Variants in GLIS3 observed in about 807,000 individuals in gnomAD.
GLIS3 encodes GLIS family zinc finger 3, also known as zinc finger protein GLIS3.
Under a neutral mutation model 78.6 loss-of-function variants are expected in GLIS3, and 53 were observed. That is an observed-to-expected ratio of 0.67 (90% confidence interval 0.54 to 0.85). GLIS3 has a LOEUF of 0.85. Ranked by LOEUF, GLIS3 falls within the 40% of genes least tolerant of loss-of-function variation. GLIS3 has a pLI of 0.00. For synonymous variants in GLIS3, 684 were observed against 509.9 expected (o/e 1.34, Z -4.60); for missense variants, 1,703 against 1,231.1 (o/e 1.38, Z -5.74).
At chr9:4,052,136 A>T (rs1825790693) in intron 4 of GLIS3, among the ~76,000 whole-genome samples, 1 of 152,222 alleles carries the variant, frequency 6.6e-6, no homozygotes, top group African/African-American at 2.4e-5. Context: ...ATATTTTGGT[A>T]AGTCCATGAA....
At chr9:4,486,490 C>T in the GLIS3 span, among the ~76,000 whole-genome samples, 1 of 152,194 alleles carries the variant, frequency 6.6e-6, no homozygotes, top group Non-Finnish European at 1.5e-5. Context: ...ACCTGTTTTA[C>T]CAGGATTCAA....
chr9:4,438,839 C>A, the GLIS3 span, among the ~76,000 whole-genome samples: 9 of 152,214 alleles, frequency 5.9e-5, no homozygotes, highest in Non-Finnish European at 1.0e-4. Flanking sequence ...TCCCCAACCA[C>A]ATGGAACTGT....
chr9:4,418,875 A>G, the GLIS3 span, among the ~76,000 whole-genome samples: 2 of 152,204 alleles, frequency 1.3e-5, no homozygotes, highest in Non-Finnish European at 2.9e-5. Context: ...GTGAGCCAGG[A>G]CAGGGGATGG....
rs560138966 is a variant in GLIS3 at position 4,011,838 on chromosome 9, A to AT, written c.1711-74650dup. Among the ~76,000 whole-genome samples, 1,129 of 151,102 alleles carry AT rather than the reference A, an allele frequency of 7.5e-3. 8 individuals are homozygous for AT. Among genetic ancestry groups the AT allele is most frequent in the Non-Finnish European group, 0.012 (846 of 67,722 alleles). ...GAAACTGGGCATATCTGCTCTTAAC[A>AT]TTTTTTTTTATTGTTTTGACATACC... On this transcript the variant is annotated intron_variant, in intron 4 of 10. Coordinates refer to ENST00000381971, the MANE Select transcript of GLIS3 (RefSeq NM_001042413.2).
At chr9:4,094,773 C>T (rs773500106) in intron 4 of GLIS3, among the ~76,000 whole-genome samples, 6 of 152,040 alleles carry the variant, frequency 3.9e-5, no homozygotes, top group Non-Finnish European at 8.8e-5. Context: ...ATCTTAGATC[C>T]GATGGCTTAT....
In GLIS3 at chr9:4,118,054, G is replaced by T; in HGVS notation, c.1424C>A (p.Pro475His). 1 of 1,587,018 alleles carries T rather than the reference G, an allele frequency of 6.3e-7. No individual in the cohort carries two copies. The highest frequency in any genetic ancestry group is 1.3e-5 in the African/African-American group (1 of 74,566). Residue 475 changes from proline to histidine, a missense_variant, in exon 4 of 11, where the codon CCC becomes CAC. By Grantham distance (77) the Pro-to-His change is moderately conservative. Transcript: ENST00000381971. This position sits in a 1 kb window ranked among gnomAD's most constrained non-coding sequence, Gnocchi z 4.7. The stretch of plus-strand genomic sequence containing the variant: ...GGGCAAGGCCAGCTGCTGGGCGTGG[G>T]GCCCGAGCTCCGGGTGGTGAAGGTG... ...HAHLHHPELG[P>H]HAQQLALPQA...
intron 4 of GLIS3, chr9:4,305,957 G>C (rs1817218232): frequency 6.6e-6 from 1 of 152,144 alleles, no homozygotes; most frequent in Non-Finnish European, 1.5e-5. Flanking sequence ...GCAACTTATA[G>C]AGGTACCTAA....
chr9:4,323,797 C>A (rs1563933016), intron 2 of GLIS3, among the ~76,000 whole-genome samples: 1 of 152,144 alleles, frequency 6.6e-6, no homozygotes, highest in Non-Finnish European at 1.5e-5. Flanking sequence ...AAATCCTCAG[C>A]CTAAAGCACA....
chr9:4,337,102 T>C (rs1442419710), intron 2 of GLIS3, among the ~76,000 whole-genome samples: 1 of 152,236 alleles, frequency 6.6e-6, no homozygotes, highest in Non-Finnish European at 1.5e-5. Flanking sequence ...GTAGTGTCAT[T>C]GGCTTCTAGT....
At chr9:4,250,305 C>G in intron 2 of GLIS3, among the ~76,000 whole-genome samples, 1 of 152,036 alleles carries the variant, frequency 6.6e-6, no homozygotes, top group Non-Finnish European at 1.5e-5. Flanking sequence ...TTGTTATTGA[C>G]CTACTCAGGT....
At chr9:4,431,844 G>GAAAAAAAAAAAAAAAAAAAAACAAAAA in the GLIS3 span, among the ~76,000 whole-genome samples, 1 of 73,062 alleles carries the variant, frequency 1.4e-5, no homozygotes. Context: ...AACTCCATCT[G>GAAAAAAAAAAAAAAAAAAAAACAAAAA]AAAAAAAAAA....
intron 2 of GLIS3, among the ~76,000 whole-genome samples, chr9:4,282,518 G>C (rs1827651284): frequency 6.6e-6 from 1 of 152,096 alleles, no homozygotes; most frequent in South Asian, 2.1e-4. Context: ...CTTTTTCCTT[G>C]CCTTTAACTT....
the GLIS3 span, among the ~76,000 whole-genome samples, chr9:4,457,692 A>G: frequency 6.6e-6 from 1 of 150,556 alleles, no homozygotes; most frequent in Non-Finnish European, 1.5e-5. Context: ...CTAAAAATAC[A>G]AAAAAAAATT....
intron 2 of GLIS3, among the ~76,000 whole-genome samples, chr9:4,193,073 A>G (rs1818478244): frequency 1.3e-5 from 2 of 152,184 alleles, no homozygotes; most frequent in Admixed American, 6.5e-5. Flanking sequence ...CTGTTGGCAA[A>G]CCTTTGATGG....
chr9:4,331,799 GT>G (rs1040407279), intron 2 of GLIS3, among the ~76,000 whole-genome samples: 5 of 152,216 alleles, frequency 3.3e-5, no homozygotes, highest in Non-Finnish European at 4.4e-5. Context: ...GAACATCTGG[GT>G]GGGAAGAGAG....
intron 2 of GLIS3, among the ~76,000 whole-genome samples, chr9:4,238,998 C>T (rs1587099101): frequency 6.6e-6 from 1 of 151,934 alleles, no homozygotes; most frequent in East Asian, 1.9e-4. Flanking sequence ...TCATCCATGT[C>T]CCTACAAAGG....
intron 9 of GLIS3, among the ~76,000 whole-genome samples, chr9:3,831,946 G>A (rs1236654818): frequency 1.3e-5 from 2 of 151,322 alleles, no homozygotes. Flanking sequence ...ATCTATAGTT[G>A]TCTTTGGGTA....
chr9:3,937,614 T>A (rs1176972644), intron 4 of GLIS3, among the ~76,000 whole-genome samples: 1 of 151,966 alleles, frequency 6.6e-6, no homozygotes, highest in Non-Finnish European at 1.5e-5. Context: ...AAAAAAAAAG[T>A]CAGAGTGATA....
intron 2 of GLIS3, among the ~76,000 whole-genome samples, chr9:4,213,901 G>C (rs978199529): frequency 3.4e-5 from 5 of 145,716 alleles, no homozygotes; most frequent in Non-Finnish European, 7.5e-5. Context: ...TGCTTTAATA[G>C]GGAAGGCAGA....
Sources: allele counts gnomAD v4.1 joint callset (sites outside exome capture counted in the v4.1 genomes callset), GRCh38; gene constraint gnomAD v4.1.1; non-coding constraint Gnocchi (gnomAD v3.1); transcripts MANE v1.5; gene names NCBI Gene and HGNC (gene_info 2026-07-23, HGNC 2026-07-21).